The following NSL1 variants were observed in gnomAD, a reference collection of about 807,000 sequenced individuals.
NSL1 encodes the protein NSL1 component of MIS12 kinetochore complex.
Under a neutral mutation model 25.4 loss-of-function variants are expected in NSL1, and 11 were observed. The ratio of observed to expected loss-of-function variants is 0.43; its 90% CI spans 0.27 to 0.72. NSL1 has a LOEUF of 0.72. NSL1 is among the 30% of genes least tolerant of loss of function. The pLI is 0.19. For missense variants in NSL1, 330 were observed against 342.7 expected, an observed-to-expected ratio of 0.96 and a Z score of 0.29; for synonymous variants, 118 against 120.6, an observed-to-expected ratio of 0.98 and a Z score of 0.14.
chr1:212,783,548 A>AT (rs771099760), intron 3 of NSL1, among the ~76,000 whole-genome samples: 14 of 152,208 alleles, frequency 9.2e-5, no homozygotes, highest in Non-Finnish European at 1.3e-4. Flanking sequence ...CAACTAGAAG[A>AT]TTTATATGTG....
At chr1:212,767,924 G>C (rs1311222293) in intron 4 of NSL1, among the ~76,000 whole-genome samples, 3 of 152,188 alleles carry the variant, frequency 2.0e-5, no homozygotes, top group Non-Finnish European at 2.9e-5. Context: ...AAAAACAATA[G>C]ATGTTGGCAT....
At chr1:212,778,297 A>G (rs933774870) in intron 4 of NSL1, among the ~76,000 whole-genome samples, 2 of 152,170 alleles carry the variant, frequency 1.3e-5, no homozygotes, top group Non-Finnish European at 2.9e-5. Flanking sequence ...TTATCTTTGT[A>G]TCCCCCAAAG....
intron 4 of NSL1, among the ~76,000 whole-genome samples, chr1:212,756,967 T>A (rs1056653518): frequency 1.3e-5 from 2 of 151,902 alleles, no homozygotes; most frequent in Non-Finnish European, 2.9e-5. Flanking sequence ...ATAAAGCAGG[T>A]TAAAGGGATA....
Position 212,727,937 on chromosome 1 carries a change from G to A in NSL1, c.*10471C>T. ...GAACCAACGAGGTCGCTGTGGTGTA[G>A]CGGTGAGAGCGTCTGAGACTCTGGA... On this transcript the variant is annotated 3_prime_UTR_variant, in exon 6 of 6. Transcript: ENST00000366977. The A allele has an allele frequency of 1.0e-6, 1 of 985,418 alleles. No individual in the cohort carries two copies. Among genetic ancestry groups the A allele is most frequent in the Non-Finnish European group, 1.2e-6 (1 of 829,928 alleles). The allele number at this position is 985,418 out of a possible 1,614,324, so 61.0% of individuals were successfully genotyped here.
chr1:212,766,149 C>CAA, intron 4 of NSL1: 1 of 414,422 alleles, frequency 2.4e-6, no homozygotes. Context: ...AAAAAAAAAA[C>CAA]AAAAAAACCC....
At chr1:212,790,617 A>C (rs1452321501) in intron 1 of NSL1, among the ~76,000 whole-genome samples, 1 of 152,174 alleles carries the variant, frequency 6.6e-6, no homozygotes, top group Non-Finnish European at 1.5e-5. Flanking sequence ...ACCACAGTGC[A>C]AACAGTAAAA....
rs538158059 is a variant in NSL1, at chr1:212,731,132, T to C, written c.*7276A>G. ...GTGGTTCTCTAGAGAGATATTTTTT[T>C]CTTCAGAGACTTTCATAATATAATC... On this transcript the variant is annotated 3_prime_UTR_variant, in exon 6 of 6. Coordinates refer to ENST00000366977, the MANE Select transcript of NSL1 (RefSeq NM_015471.4). 2 of 980,720 alleles carry C rather than the reference T, an allele frequency of 2.0e-6. No homozygotes were observed. Among genetic ancestry groups the C allele is most frequent in the African/African-American group, 1.8e-5 (1 of 56,912 alleles). 60.8% of individuals were successfully genotyped at this position (980,720 alleles called of 1,614,324 possible).
intron 4 of NSL1, among the ~76,000 whole-genome samples, chr1:212,762,418 A>C (rs1350611321): frequency 1.3e-5 from 2 of 152,078 alleles, no homozygotes; most frequent in Non-Finnish European, 2.9e-5. Context: ...AGCTTGAATT[A>C]GATCTTTTAT....
chr1:212,767,426 C>T (rs1336383263), intron 4 of NSL1, among the ~76,000 whole-genome samples: 2 of 152,108 alleles, frequency 1.3e-5, no homozygotes, highest in African/African-American at 4.8e-5. Context: ...GACTCAAGAT[C>T]GATCAAAGAC....
At position 212,784,431 on chromosome 1, in the gene NSL1, G is replaced by A. The variant is rs776038764; in HGVS notation, c.376C>T (p.Arg126Cys). 1 of 1,596,054 alleles carries A rather than the reference G, an allele frequency of 6.3e-7. No homozygotes were observed. The highest frequency in any genetic ancestry group is 8.6e-7 in the Non-Finnish European group (1 of 1,166,798). The part of the protein sequence containing the change: ...DEIIVDIATK[R>C]KQYPRKILEC... ...AGGATCTTTCTGGGATACTGCTTAC[G>A]TTTTGTGGCTATATCTACTATGATT... Residue 126 changes from arginine (R) to cysteine (C), a missense_variant, in exon 3 of 6, where the codon CGT becomes TGT. Coordinates refer to ENST00000366977, the MANE Select transcript of NSL1 (RefSeq NM_015471.4).
At position 212,729,496 on chromosome 1, in the gene NSL1, G is replaced by A; in HGVS notation, c.*8912C>T. On this transcript the variant is annotated 3_prime_UTR_variant, in exon 6 of 6. Coordinates refer to ENST00000366977, the MANE Select transcript of NSL1 (RefSeq NM_015471.4). ...GGCTGGGAAAGATCCTGAGGCTCTG[G>A]AGCTGGGGTGTATGGGACCTGGAGC... 1.0e-6 allele frequency: 1 copy of A among 985,342 alleles called. No individual in the cohort carries two copies. Among genetic ancestry groups the A allele is most frequent in the Non-Finnish European group, 1.2e-6 (1 of 829,892 alleles). 61.0% of individuals were successfully genotyped at this position (985,342 alleles called of 1,614,324 possible).
intron 1 of NSL1, among the ~76,000 whole-genome samples, chr1:212,790,127 C>A (rs1571930245): frequency 6.6e-6 from 1 of 152,210 alleles, no homozygotes; most frequent in African/African-American, 2.4e-5. Context: ...CATTCTCCTG[C>A]CTCAGCCTCC....
rs1295221307 is a variant in NSL1, at chr1:212,732,311, T to C, written c.*6097A>G. Reference sequence around the variant, plus strand: ...AAAATATCTCTTTTGGAGTCCTACATAGTCCTTTTTTTTTTTTTGAGATGA... The same window carrying C: ...AAAATATCTCTTTTGGAGTCCTACACAGTCCTTTTTTTTTTTTTGAGATGA... On this transcript the variant is annotated 3_prime_UTR_variant, in exon 6 of 6. Coordinates refer to ENST00000366977, the MANE Select transcript of NSL1 (RefSeq NM_015471.4). 15 of 930,630 alleles carry C rather than the reference T, an allele frequency of 1.6e-5. No individual in the cohort carries two copies. Among genetic ancestry groups the C allele is most frequent in the East Asian group, 1.2e-4 (1 of 8,058 alleles). The allele number at this position is 930,630 out of a possible 1,614,324, so 57.6% of individuals were successfully genotyped here.
In NSL1 at chr1:212,733,433, C is replaced by CAAAAAAAAAAAAAAAAAAAA. The variant is rs140675222; in HGVS notation, c.*4974_*4975insTTTTTTTTTTTTTTTTTTTT. The stretch of plus-strand genomic sequence containing the variant: ...GGCAACACAGCAAGACCTTGTTTCA[C>CAAAAAAAAAAAAAAAAAAAA]AAAAAAAAAAAAAAAAAAATCCCAT... On this transcript the variant is annotated 3_prime_UTR_variant, in exon 6 of 6. Coordinates refer to ENST00000366977, the MANE Select transcript of NSL1 (RefSeq NM_015471.4). Among the ~76,000 whole-genome samples, 1 of 135,900 alleles carries CAAAAAAAAAAAAAAAAAAAA rather than the reference C, an allele frequency of 7.4e-6. No homozygotes were observed. Among genetic ancestry groups the CAAAAAAAAAAAAAAAAAAAA allele is most frequent in the African/African-American group, 2.7e-5 (1 of 37,216 alleles). The allele number at this position is 135,900 out of a possible 152,430, so 89.2% of individuals were successfully genotyped here.
In NSL1 at chr1:212,738,254, A is replaced by T. The variant is rs1014778037; in HGVS notation, c.*154T>A. The T allele has an allele frequency of 1.6e-5, 23 of 1,401,020 alleles. No individual in the cohort carries two copies. In the Admixed American group the frequency reaches 6.8e-4, roughly 41 times the overall value. The allele number at this position is 1,401,020 out of a possible 1,614,324, so 86.8% of individuals were successfully genotyped here. A position where few individuals can be genotyped will look rare whatever the true frequency, so the allele number is the denominator to read the frequency against. ...CAGTAAGGAAATACAATATTATATC[A>T]TATCCCCGCACAGAGATACTATATC... is the stretch of plus-strand genomic sequence containing the variant. On this transcript the variant is annotated 3_prime_UTR_variant, in exon 6 of 6. Coordinates refer to ENST00000366977, the MANE Select transcript of NSL1 (RefSeq NM_015471.4).
intron 4 of NSL1, among the ~76,000 whole-genome samples, chr1:212,763,384 A>C (rs1343157017): frequency 6.6e-6 from 1 of 152,204 alleles, no homozygotes; most frequent in Non-Finnish European, 1.5e-5. Context: ...ATGAAAAAAA[A>C]ACAAAGTATC....
At position 212,737,550 on chromosome 1, in the gene NSL1, A is replaced by C; in HGVS notation, c.*858T>G. Reference sequence around the variant, plus strand: ...AATATCGTTTTCTCAGACTTCTCCCAGTGATTATATACCTGATATATAAAC... The same window carrying C: ...AATATCGTTTTCTCAGACTTCTCCCCGTGATTATATACCTGATATATAAAC... On this transcript the variant is annotated 3_prime_UTR_variant, in exon 6 of 6. Coordinates refer to ENST00000366977, the MANE Select transcript of NSL1 (RefSeq NM_015471.4). 1.0e-6 allele frequency: 1 copy of C among 977,804 alleles called. No homozygotes were observed. Among genetic ancestry groups the C allele is most frequent in the Non-Finnish European group, 1.2e-6 (1 of 822,912 alleles). 60.6% of individuals were successfully genotyped at this position (977,804 alleles called of 1,614,324 possible). A position where few individuals can be genotyped will look rare whatever the true frequency, so the allele number is the denominator to read the frequency against.
At chr1:212,744,228 T>C (rs1398272322) in intron 4 of NSL1, among the ~76,000 whole-genome samples, 1 of 152,166 alleles carries the variant, frequency 6.6e-6, no homozygotes, top group Non-Finnish European at 1.5e-5. Flanking sequence ...TTTGTTTTGC[T>C]CCAGGCATTT....
chr1:212,760,431 T>A lies in NSL1; in HGVS notation c.500-20830A>T, dbSNP rs1194646378. Among the ~76,000 whole-genome samples, 1 of 152,016 alleles carries A rather than the reference T, an allele frequency of 6.6e-6. No individual in the cohort carries two copies. The highest frequency in any genetic ancestry group is 1.5e-5 in the Non-Finnish European group (1 of 67,986). ...GGCCTGATAACAGGCCCAGCCAACA[T>A]ACTGCGGGTGCCTGAGCATACCGTT... On this transcript the variant is annotated intron_variant, in intron 4 of 5. Transcript: ENST00000366977. The surrounding 1 kb of genome is among the most constrained non-coding windows in gnomAD (Gnocchi z 4.3).
Sources: allele counts gnomAD v4.1 joint callset (sites outside exome capture counted in the v4.1 genomes callset), GRCh38; gene constraint gnomAD v4.1.1; non-coding constraint Gnocchi (gnomAD v3.1); transcripts MANE v1.5; gene names NCBI Gene and HGNC (gene_info 2026-07-23, HGNC 2026-07-21).